TIGIT: variants seen among roughly 807,000 people sequenced by gnomAD.
TIGIT encodes T-cell immunoreceptor with Ig and ITIM domains.
Under a neutral mutation model 19.6 loss-of-function variants are expected in TIGIT, and 11 were observed. That is an observed-to-expected ratio of 0.56 (90% CI 0.35 to 0.93). TIGIT has a LOEUF of 0.93. TIGIT is among the 40% of genes least tolerant of loss of function. The pLI is 0.01. For synonymous variants in TIGIT, 130 were observed against 125.5 expected (o/e 1.04, Z -0.24); for missense variants, 295 against 303.9 (o/e 0.97, Z 0.22).
chr3:114,304,495 T>C (rs1249392244), intron 3 of TIGIT, among the ~76,000 whole-genome samples: 2 of 152,222 alleles, frequency 1.3e-5, no homozygotes, highest in East Asian at 1.9e-4. Flanking sequence ...GTGTTAAATA[T>C]TGAGCGTTCC....
intron 1 of TIGIT, among the ~76,000 whole-genome samples, 195 bp from the exon 2 acceptor site, chr3:114,295,350 G>A (rs1343908179): frequency 1.3e-5 from 2 of 152,158 alleles, no homozygotes; most frequent in Non-Finnish European, 2.9e-5. Context: ...TGAATAACAG[G>A]CATGGAGAGG....
Position 114,303,643 on chromosome 3 carries a change from A to G in TIGIT, c.498+3940A>G, listed in dbSNP as rs200658043. ...TATGTATATATATACACACACACACACACACACACACACAGACACATTACA... is the reference window on the plus strand; with the variant it reads ...TATGTATATATATACACACACACACGCACACACACACACAGACACATTACA... On this transcript the variant is annotated intron_variant, in intron 3 of 3. Transcript: ENST00000383671. 1.2e-3 allele frequency among the ~76,000 whole-genome samples: 177 copies of G among 143,850 alleles called. 4 individuals are homozygous for G. The highest frequency in any genetic ancestry group is 1.6e-3 in the Non-Finnish European group (104 of 65,996). The allele number at this position is 143,850 out of a possible 152,430, so 94.4% of individuals were successfully genotyped here.
chr3:114,294,491 A>C (rs907353340), intron 1 of TIGIT, among the ~76,000 whole-genome samples: 5 of 152,182 alleles, frequency 3.3e-5, no homozygotes, highest in African/African-American at 1.2e-4. Flanking sequence ...TTTCCAGGAA[A>C]ACATTATAAG....
chr3:114,298,147 C>T (rs113001952), intron 2 of TIGIT, among the ~76,000 whole-genome samples: 198 of 152,316 alleles, frequency 1.3e-3, no homozygotes, highest in African/African-American at 4.5e-3. Flanking sequence ...TATACAGAGT[C>T]TGCCCCTTCC....
At chr3:114,299,860 G>T (rs536678814) in intron 3 of TIGIT, among the ~76,000 whole-genome samples, 157 bp downstream of exon 3, 1 of 152,230 alleles carries the variant, frequency 6.6e-6, no homozygotes, top group East Asian at 1.9e-4. Flanking sequence ...TATTAGTGCA[G>T]TTATTTATGC....
At chr3:114,307,747 G>A (rs1326145448) in intron 3 of TIGIT, 148 bp from the exon 4 acceptor site, 15 of 727,120 alleles carry the variant, frequency 2.1e-5, no homozygotes, top group Non-Finnish European at 3.2e-5. Context: ...ACGCGGTTGA[G>A]AAATTAAGGG....
chr3:114,300,096 T>C (rs2078482939), intron 3 of TIGIT, among the ~76,000 whole-genome samples: 1 of 152,206 alleles, frequency 6.6e-6, no homozygotes, highest in South Asian at 2.1e-4. Flanking sequence ...TAGTGCTAGG[T>C]TACCCAGCAT....
Position 114,300,750 on chromosome 3 carries a change from T to TGA in TIGIT, c.498+1060_498+1061dup, listed in dbSNP as rs138078393. On this transcript the variant is annotated intron_variant, in intron 3 of 3. Coordinates refer to ENST00000383671, the MANE Select transcript of TIGIT (RefSeq NM_173799.4). The stretch of plus-strand genomic sequence containing the variant: ...GCATCATGTGATGAGTGCATGCATG[T>TGA]GAGAGAGAGAGAGAAATGAGGCCAA... Among the ~76,000 whole-genome samples, 8 of 151,290 alleles carry TGA rather than the reference T, an allele frequency of 5.3e-5. No individual in the cohort carries two copies. In the South Asian group the frequency reaches 1.0e-3, roughly 20 times the overall value.
At position 114,309,163 on chromosome 3, in the gene TIGIT, A is replaced by T. The variant is rs201016712; in HGVS notation, c.*1032A>T. ...CACTAAAAAGAAAATGTGGATTTTT[A>T]AAATAGGGACTCTTCCTAGGGGAAA... On this transcript the variant is annotated 3_prime_UTR_variant, in exon 4 of 4. Transcript: ENST00000383671. 1 of 152,238 alleles carries T rather than the reference A, an allele frequency of 6.6e-6. No homozygotes were observed. The highest frequency in any genetic ancestry group is 1.5e-5 in the Non-Finnish European group (1 of 68,036). 9.4% of individuals were successfully genotyped at this position (152,238 alleles called of 1,614,324 possible).
intron 3 of TIGIT, among the ~76,000 whole-genome samples, chr3:114,302,748 C>T (rs979731485): frequency 2.0e-5 from 3 of 152,202 alleles, no homozygotes; most frequent in African/African-American, 7.2e-5. Context: ...CATTCTTTTC[C>T]AGCTTAGTAA....
At chr3:114,294,192 C>A in intron 1 of TIGIT, 70 bp downstream of exon 1, 1 of 1,294,960 alleles carries the variant, frequency 7.7e-7, no homozygotes, top group Non-Finnish European at 1.1e-6. Context: ...GACTTGGGTG[C>A]TTGTGTAGGG....
Position 114,295,749 on chromosome 3 carries a change from C to A in TIGIT, c.266C>A (p.Pro89His), listed in dbSNP as rs2078449456. ...PSFKDRVAPG[P>H]GLGLTLQSLT... ...TTCAAGGATCGAGTGGCCCCAGGTC[C>A]CGGCCTGGGCCTCACCCTCCAGTCG... Residue 89 changes from proline to histidine, a missense_variant, in exon 2 of 4, where the codon CCC (proline) becomes CAC (histidine). By Grantham distance (77) the Pro-to-His change is moderately conservative. Coordinates refer to ENST00000383671, the MANE Select transcript of TIGIT (RefSeq NM_173799.4). The A allele has an allele frequency of 6.2e-7, 1 of 1,614,040 alleles. No homozygotes were observed. Among genetic ancestry groups the A allele is most frequent in the Non-Finnish European group, 8.5e-7 (1 of 1,180,044 alleles).
intron 2 of TIGIT, among the ~76,000 whole-genome samples, chr3:114,297,803 T>A (rs1374641342): frequency 6.6e-6 from 1 of 152,122 alleles, no homozygotes; most frequent in Non-Finnish European, 1.5e-5. Flanking sequence ...GGGAGAGAGA[T>A]CAGAAGATGT....
rs1189458838 is a variant in TIGIT, at chr3:114,309,357, C to T, written c.*1226C>T. Reference sequence around the variant, plus strand: ...GGATCTTAGAAGACTTTTATCCTTCCACCATCTCTCTCAGAGGAATGAGCG... The same window carrying T: ...GGATCTTAGAAGACTTTTATCCTTCTACCATCTCTCTCAGAGGAATGAGCG... On this transcript the variant is annotated 3_prime_UTR_variant, in exon 4 of 4. Transcript: ENST00000383671. 1.3e-5 allele frequency: 2 copies of T among 152,134 alleles called. No homozygotes were observed. The highest frequency in any genetic ancestry group is 4.8e-5 in the African/African-American group (2 of 41,398). The allele number at this position is 152,134 out of a possible 1,614,324, so 9.4% of individuals were successfully genotyped here.
intron 3 of TIGIT, among the ~76,000 whole-genome samples, chr3:114,302,214 T>C (rs1363558085): frequency 1.3e-5 from 2 of 152,214 alleles, no homozygotes; most frequent in African/African-American, 4.8e-5. Context: ...TTGCATTGGC[T>C]GACCTCAAAC....
chr3:114,303,551 GTATATATATATACATATATATGTA>G (rs1560033541), intron 3 of TIGIT, among the ~76,000 whole-genome samples: 103 of 5,672 alleles, frequency 0.018, no homozygotes, highest in African/African-American at 0.033. Flanking sequence ...ACATATATAT[GTATATATATATACATATATATGTA>G]TATATATATA....
At chr3:114,299,432 T>G (rs2078475078) in intron 2 of TIGIT, among the ~76,000 whole-genome samples, 165 bp from the exon 3 acceptor site, 1 of 152,214 alleles carries the variant, frequency 6.6e-6, no homozygotes, top group Non-Finnish European at 1.5e-5. Flanking sequence ...ATGGGCCAGA[T>G]GGATACTCTG....
intron 2 of TIGIT, 85 bp downstream of exon 2, chr3:114,295,959 C>T: frequency 8.9e-7 from 1 of 1,128,932 alleles, no homozygotes; most frequent in Non-Finnish European, 1.3e-6. Context: ...AGCAGGGCTT[C>T]TCAATTCGGG....
Position 114,299,714 on chromosome 3 carries a change from C to T in TIGIT, c.498+11C>T, listed in dbSNP as rs1347965031. The T allele has an allele frequency of 6.3e-6, 10 of 1,582,310 alleles. No individual in the cohort carries two copies. The highest frequency in any genetic ancestry group is 1.3e-5 in the African/African-American group (1 of 74,458). On this transcript the variant is annotated intron_variant, in intron 3 of 3. Transcript: ENST00000383671. Reference sequence around the variant, plus strand: ...GCGTTGACTAGAAAGGTAATGGCTCCGGCTGCACACCGCAGTCATGGGCAC... The same window carrying T: ...GCGTTGACTAGAAAGGTAATGGCTCTGGCTGCACACCGCAGTCATGGGCAC...
Sources: allele counts gnomAD v4.1 joint callset (sites outside exome capture counted in the v4.1 genomes callset), GRCh38; gene constraint gnomAD v4.1.1; transcripts MANE v1.5; gene names NCBI Gene and HGNC (gene_info 2026-07-23, HGNC 2026-07-21).